The following ERG variants were observed in gnomAD, a reference collection of about 807,000 sequenced individuals.
ERG encodes the protein ETS transcription factor ERG.
Under a neutral mutation model 55.3 loss-of-function variants are expected in ERG, and 9 were observed. That is an observed-to-expected ratio of 0.16 (90% CI 0.10 to 0.28). The LOEUF is 0.28. Ranked by LOEUF, ERG falls within the 10% of genes least tolerant of loss-of-function variation. The pLI is 1.00. For synonymous variants in ERG, 223 were observed against 237.3 expected, an observed-to-expected ratio of 0.94 and a Z score of 0.55; for missense variants, 434 against 631.6, an observed-to-expected ratio of 0.69 and a Z score of 3.35.
chr21:38,450,509 TG>T (rs1326549385), intron 1 of ERG, among the ~76,000 whole-genome samples: 9 of 152,388 alleles, frequency 5.9e-5, no homozygotes, highest in African/African-American at 2.2e-4. Flanking sequence ...CTACTTTTTC[TG>T]TCAGTTTTAA....
At chr21:38,562,182 T>C (rs564009209) in intron 2 of ERG, among the ~76,000 whole-genome samples, 8 of 152,186 alleles carry the variant, frequency 5.3e-5, no homozygotes, top group Non-Finnish European at 1.2e-4. Flanking sequence ...TAATGTAGAT[T>C]ATTATAAAAC....
At chr21:38,559,739 T>G (rs1037144582) in intron 2 of ERG, among the ~76,000 whole-genome samples, 7 of 152,206 alleles carry the variant, frequency 4.6e-5, no homozygotes, top group Non-Finnish European at 1.0e-4. Flanking sequence ...TGGAGTGCCA[T>G]GGCACGGTCT....
intron 1 of ERG, among the ~76,000 whole-genome samples, chr21:38,479,864 C>T (rs1424435208): frequency 6.6e-6 from 1 of 152,230 alleles, no homozygotes; most frequent in African/African-American, 2.4e-5. Context: ...TTCATTCTTA[C>T]TGTACATCTT....
chr21:38,493,540 T>C (rs2059354835), intron 1 of ERG, among the ~76,000 whole-genome samples: 1 of 152,222 alleles, frequency 6.6e-6, no homozygotes, highest in Non-Finnish European at 1.5e-5. Context: ...TGTTTATAAT[T>C]TATGCTAAAG....
intron 2 of ERG, among the ~76,000 whole-genome samples, chr21:38,545,912 C>A (rs531009312): frequency 6.6e-6 from 1 of 152,200 alleles, no homozygotes; most frequent in African/African-American, 2.4e-5. Context: ...TCAAAGATTG[C>A]GAACCAAATC....
chr21:38,579,391 A>G (rs991231507), intron 1 of ERG, among the ~76,000 whole-genome samples: 1 of 152,200 alleles, frequency 6.6e-6, no homozygotes, highest in African/African-American at 2.4e-5. Context: ...TGAGGGATCG[A>G]GATGGGAAAC....
At chr21:38,544,145 C>T (rs1259645260) in intron 2 of ERG, among the ~76,000 whole-genome samples, 4 of 152,204 alleles carry the variant, frequency 2.6e-5, no homozygotes, top group East Asian at 3.9e-4. Context: ...TAGAACATTC[C>T]GGATTGCGGG....
intron 3 of ERG, among the ~76,000 whole-genome samples, chr21:38,410,106 T>C (rs569484143): frequency 2.7e-4 from 41 of 152,300 alleles, no homozygotes; most frequent in African/African-American, 9.4e-4. Context: ...TTGCCAACAA[T>C]AACATACTGC....
intron 1 of ERG, among the ~76,000 whole-genome samples, chr21:38,656,827 A>AT (rs918100050): frequency 6.6e-6 from 1 of 152,164 alleles, no homozygotes; most frequent in Non-Finnish European, 1.5e-5. Context: ...AGGGTTTCCT[A>AT]TTTTTTAAAA....
chr21:38,384,364 T>C (rs1987593935), intron 9 of ERG, among the ~76,000 whole-genome samples: 4 of 152,218 alleles, frequency 2.6e-5, no homozygotes, highest in Admixed American at 2.6e-4. Flanking sequence ...CCTGAGAACA[T>C]GCCGTTAATC....
downstream of ERG, chr21:38,380,016 A>G: frequency 2.0e-6 from 2 of 1,010,776 alleles, no homozygotes; most frequent in Non-Finnish European, 2.4e-6. Context: ...AGATAAAAAG[A>G]AGGCACAGAA....
In ERG at chr21:38,403,607, T is replaced by A; in HGVS notation, c.491A>T (p.Asp164Val). 6.2e-7 allele frequency: 1 copy of A among 1,614,144 alleles called. No homozygotes were observed. Among genetic ancestry groups the A allele is most frequent in the Non-Finnish European group, 8.5e-7 (1 of 1,180,016 alleles). The change falls in exon 4 of 10, where the codon GAT becomes GTT. Residue 164 changes from aspartate (D) to valine (V), a missense_variant. Around this residue, in one of 5 missense-constraint regions of ERG, gnomAD observed 212 missense variants for 262.9 expected, o/e 0.81. Coordinates refer to ENST00000288319, the MANE Select transcript of ERG (RefSeq NM_182918.4). The part of the protein sequence containing the change: ...DVNILLFQNI[D>V]GKELCKMTKD... The stretch of plus-strand genomic sequence containing the variant: ...GGTCATCTTGCACAGTTCCTTCCCA[T>A]CGATGTTCTGGAATAACAAGATGTT...
chr21:38,414,291 T>C (rs1297127351), intron 3 of ERG, among the ~76,000 whole-genome samples: 2 of 152,250 alleles, frequency 1.3e-5, no homozygotes, highest in Admixed American at 6.5e-5. Context: ...CCAGTCATTT[T>C]ATTAGGCTCA....
In ERG at chr21:38,380,610, G is replaced by A; in HGVS notation, c.*2793C>T. The stretch of plus-strand genomic sequence containing the variant: ...CAATTATGAATATGACCTGGAGGGG[G>A]CTTTGGAATTAGATTACAACAGTAA... On this transcript the variant is annotated 3_prime_UTR_variant, in exon 10 of 10. Coordinates refer to ENST00000288319, the MANE Select transcript of ERG (RefSeq NM_182918.4). 1 of 1,065,430 alleles carries A rather than the reference G, an allele frequency of 9.4e-7. No individual in the cohort carries two copies. The highest frequency in any genetic ancestry group is 1.1e-6 in the Non-Finnish European group (1 of 879,382). 66.0% of individuals were successfully genotyped at this position (1,065,430 alleles called of 1,614,324 possible). A position where few individuals can be genotyped will look rare whatever the true frequency, so the allele number is the denominator to read the frequency against.
chr21:38,407,765 A>C (rs1988842228), intron 3 of ERG, among the ~76,000 whole-genome samples: 1 of 147,158 alleles, frequency 6.8e-6, no homozygotes, highest in Non-Finnish European at 1.5e-5. Flanking sequence ...AAATAAAAGT[A>C]AAAAAACAAA....
At chr21:38,369,808 AG>A in the ERG span, among the ~76,000 whole-genome samples, 9 of 152,136 alleles carry the variant, frequency 5.9e-5, no homozygotes, top group Non-Finnish European at 1.2e-4. Flanking sequence ...TGGTGTAAAG[AG>A]GGGGTCTAGT....
At chr21:38,400,707 T>G in intron 5 of ERG, 62 bp from the exon 6 acceptor site, 2 of 1,290,662 alleles carry the variant, frequency 1.5e-6, no homozygotes, top group Non-Finnish European at 2.2e-6. Context: ...GATCTCAACA[T>G]CAGCGCCAAA....
the ERG span, among the ~76,000 whole-genome samples, chr21:38,367,865 T>C: frequency 6.4e-4 from 98 of 152,124 alleles, 1 homozygote; most frequent in African/African-American, 1.8e-3. Flanking sequence ...ACATGAAACA[T>C]CCTCTGCAGA....
chr21:38,469,535 C>T (rs192244148), intron 1 of ERG, among the ~76,000 whole-genome samples: 85 of 152,142 alleles, frequency 5.6e-4, no homozygotes, highest in South Asian at 5.4e-3. Context: ...TTGATTCCTG[C>T]GGAATCATTG....
Sources: gnomAD v4.1 joint callset for allele counts (sites outside exome capture counted in the v4.1 genomes callset) on GRCh38, gnomAD v4.1.1 for gene constraint, gnomAD v4.1.1 regional missense constraint, MANE v1.5 for transcripts, NCBI Gene and HGNC (gene_info 2026-07-23, HGNC 2026-07-21) for gene names.